The following GPRC6A variants were observed in gnomAD, a reference collection of about 807,000 sequenced individuals.
GPRC6A encodes G protein-coupled receptor class C group 6 member A.
Under a neutral mutation model 47.0 loss-of-function variants are expected in GPRC6A, and 54 were observed. That is an observed-to-expected ratio of 1.15 (90% CI 0.92 to 1.44). The LOEUF is 1.44. GPRC6A is among the 40% of genes most tolerant of loss of function. The pLI, the probability that GPRC6A is intolerant of heterozygous loss-of-function variation, is 0.00. For missense variants in GPRC6A, 1,112 were observed against 1,105.5 expected (o/e 1.01, Z -0.08); for synonymous variants, 347 against 377.1 (o/e 0.92, Z 0.93).
At chr6:116,826,002 A>G (rs117360313) in intron 1 of GPRC6A, among the ~76,000 whole-genome samples, 5,786 of 151,912 alleles carry the variant, frequency 0.038, 169 homozygotes, top group Non-Finnish European at 0.062. Context: ...GCAGAAGAAT[A>G]AAACTGGACT....
In GPRC6A at chr6:116,792,368, A is replaced by AT. The variant is rs764063363; in HGVS notation, c.2554dup (p.Met852AsnfsTer9). 2 of 1,614,058 alleles carry AT rather than the reference A, an allele frequency of 1.2e-6. No homozygotes were observed. Among genetic ancestry groups the AT allele is most frequent in the East Asian group, 4.5e-5 (2 of 44,880 alleles). ...ACTATGGGAAGAATAACTGTAGATC[A>AT]TCTTGAGAAAGGCAGACTTTGTGTT... is the stretch of plus-strand genomic sequence containing the variant. On this transcript the variant is annotated frameshift_variant, in exon 6 of 6. Coordinates refer to ENST00000310357, the MANE Select transcript of GPRC6A (RefSeq NM_148963.4). LOFTEE classifies it low-confidence loss of function (END_TRUNC).
Position 116,792,347 on chromosome 6 carries a change from T to C in GPRC6A, c.2576A>G (p.His859Arg). The C allele has an allele frequency of 6.2e-7, 1 of 1,614,040 alleles. No homozygotes were observed. Among genetic ancestry groups the C allele is most frequent in the Non-Finnish European group, 8.5e-7 (1 of 1,179,940 alleles). ...FLKMIYSYSS[H>R]SVSSIALSPA... ...ACTCAGGGCAATGCTGCTCACACTA[T>C]GGGAAGAATAACTGTAGATCATCTT... The change falls in exon 6 of 6, where the codon CAT becomes CGT. Residue 859 changes from histidine (H) to arginine (R), a missense_variant. By Grantham distance (29) the His-to-Arg change is conservative. Coordinates refer to ENST00000310357, the MANE Select transcript of GPRC6A (RefSeq NM_148963.4).
chr6:116,800,458 G>C, intron 4 of GPRC6A, 126 bp downstream of exon 4: 1 of 602,326 alleles, frequency 1.7e-6, no homozygotes, highest in Non-Finnish European at 3.1e-6. Flanking sequence ...CACTGATTAG[G>C]CAGAAACTTG....
At position 116,793,293 on chromosome 6, in the gene GPRC6A, C is replaced by A. The variant is rs200367241; in HGVS notation, c.1673-43G>T. Reference sequence around the variant, plus strand: ...CGCAGTTACATTGTCAACATTTAAACTAGGTGATAGTCCACAATACTACAA... The same window carrying A: ...CGCAGTTACATTGTCAACATTTAAAATAGGTGATAGTCCACAATACTACAA... On this transcript the variant is annotated intron_variant, in intron 5 of 5. Coordinates refer to ENST00000310357, the MANE Select transcript of GPRC6A (RefSeq NM_148963.4). The A allele has an allele frequency of 1.1e-4, 158 of 1,407,222 alleles. No homozygotes were observed. In the East Asian group the frequency reaches 3.3e-3, roughly 29 times the overall value. 87.2% of individuals were successfully genotyped at this position (1,407,222 alleles called of 1,614,324 possible).
In GPRC6A at chr6:116,812,718, C is replaced by T. The variant is rs570483110; in HGVS notation, c.195-3101G>A. On this transcript the variant is annotated intron_variant, in intron 1 of 5. Coordinates refer to ENST00000310357, the MANE Select transcript of GPRC6A (RefSeq NM_148963.4). ...GGCACAAGACAAGGATGCCCTCTCTCACCACTCCTATTCAACATAGTGTTG... is the reference window on the plus strand; with the variant it reads ...GGCACAAGACAAGGATGCCCTCTCTTACCACTCCTATTCAACATAGTGTTG... Among the ~76,000 whole-genome samples the T allele has an allele frequency of 3.3e-5, 5 of 152,292 alleles. No individual in the cohort carries two copies. In the South Asian group the frequency reaches 6.2e-4, roughly 19 times the overall value.
At chr6:116,812,980 A>C (rs959280608) in intron 1 of GPRC6A, among the ~76,000 whole-genome samples, 5 of 152,226 alleles carry the variant, frequency 3.3e-5, no homozygotes, top group Middle Eastern at 3.4e-3. Flanking sequence ...AAACAGAGAG[A>C]CAAATCATGA....
chr6:116,811,264 C>A lies in GPRC6A; in HGVS notation c.195-1647G>T, dbSNP rs538552559. On this transcript the variant is annotated intron_variant, in intron 1 of 5. Transcript: ENST00000310357. ...CCAGAATAAAAGCCAAAGGACCCTG[C>A]CCAACCAACACTATCTATTCATCCT... is the stretch of plus-strand genomic sequence containing the variant. Among the ~76,000 whole-genome samples the A allele has an allele frequency of 4.6e-5, 7 of 152,198 alleles. No individual in the cohort carries two copies. In the South Asian group the frequency reaches 1.5e-3, roughly 32 times the overall value.
rs766999051 is a variant in GPRC6A, at chr6:116,792,441, A to G, written c.2482T>C (p.Cys828Arg). 5.6e-6 allele frequency: 9 copies of G among 1,614,062 alleles called. No individual in the cohort carries two copies. Among genetic ancestry groups the G allele is most frequent in the Non-Finnish European group, 7.6e-6 (9 of 1,179,930 alleles). The change falls in exon 6 of 6, where the codon TGC (cysteine) becomes CGC (arginine). Residue 828 changes from cysteine to arginine, a missense_variant. Physicochemically the swap from Cys to Arg is radical, Grantham distance 180 (BLOSUM62 -3). Transcript: ENST00000310357. ...ILISNYGILY[C>R]TFIPKCYVII... is the part of the protein sequence containing the mutation. ...ACATAGCATTTGGGGATGAATGTGC[A>G]ATACAGGATTCCATAGTTAGATATT...
chr6:116,802,512 T>C (rs1772707458), intron 3 of GPRC6A, among the ~76,000 whole-genome samples: 1 of 152,174 alleles, frequency 6.6e-6, no homozygotes. Flanking sequence ...ATATGGTTGA[T>C]ATTGTTTTTC....
intron 1 of GPRC6A, among the ~76,000 whole-genome samples, chr6:116,825,243 A>C (rs1582483551): frequency 6.6e-6 from 1 of 152,116 alleles, no homozygotes; most frequent in East Asian, 1.9e-4. Flanking sequence ...CAAAGCAATC[A>C]GGCAAGAGAA....
intron 1 of GPRC6A, among the ~76,000 whole-genome samples, chr6:116,813,459 C>G (rs989164683): frequency 2.6e-5 from 4 of 152,248 alleles, no homozygotes; most frequent in Admixed American, 2.0e-4. Flanking sequence ...TACTACACAT[C>G]TACAATCATC....
chr6:116,801,598 A>G (rs1772677606), intron 3 of GPRC6A, among the ~76,000 whole-genome samples: 1 of 152,154 alleles, frequency 6.6e-6, no homozygotes, highest in African/African-American at 2.4e-5. Flanking sequence ...AAATTATTCT[A>G]TTTGAAGACA....
intron 4 of GPRC6A, among the ~76,000 whole-genome samples, chr6:116,800,199 C>A (rs1235629311): frequency 6.7e-6 from 1 of 149,394 alleles, no homozygotes; most frequent in Non-Finnish European, 1.5e-5. Flanking sequence ...CCCCTCCCTC[C>A]CTCTCTCTCT....
intron 3 of GPRC6A, among the ~76,000 whole-genome samples, chr6:116,803,203 T>C (rs544786958): frequency 1.3e-4 from 20 of 152,206 alleles, no homozygotes; most frequent in Admixed American, 1.3e-3. Context: ...CCAAATATTC[T>C]TCATCCTCCC....
At chr6:116,816,849 T>G (rs910485945) in intron 1 of GPRC6A, among the ~76,000 whole-genome samples, 1 of 150,772 alleles carries the variant, frequency 6.6e-6, no homozygotes, top group Non-Finnish European at 1.5e-5. Context: ...AACGGCGCAC[T>G]ACGAGATTAT....
At chr6:116,822,088 C>T (rs1340805402) in intron 1 of GPRC6A, among the ~76,000 whole-genome samples, 34 of 146,904 alleles carry the variant, frequency 2.3e-4, no homozygotes, top group African/African-American at 8.3e-4. Context: ...GACATTTATG[C>T]AGCCAAAACA....
At chr6:116,798,686 T>C (rs943373342) in intron 4 of GPRC6A, among the ~76,000 whole-genome samples, 1 of 151,650 alleles carries the variant, frequency 6.6e-6, no homozygotes, top group African/African-American at 2.4e-5. Flanking sequence ...AGTTCAAGAC[T>C]AGCCTGGTCA....
chr6:116,818,423 A>G (rs1407019596), intron 1 of GPRC6A, among the ~76,000 whole-genome samples: 5 of 144,496 alleles, frequency 3.5e-5, no homozygotes, highest in African/African-American at 1.3e-4. Context: ...AGTCCCAGCT[A>G]CTTGGGAGGC....
chr6:116,806,277 G>A (rs1483253299), intron 3 of GPRC6A, 93 bp downstream of exon 3: 3 of 780,586 alleles, frequency 3.8e-6, no homozygotes, highest in East Asian at 4.9e-5. Context: ...ATAGGATTAA[G>A]AGCAATTAAT....
Sources: allele counts gnomAD v4.1 joint callset (sites outside exome capture counted in the v4.1 genomes callset), GRCh38; gene constraint gnomAD v4.1.1; transcripts MANE v1.5; gene names NCBI Gene and HGNC (gene_info 2026-07-23, HGNC 2026-07-21).